The following FBLN1 variants were observed in gnomAD, a reference collection of about 807,000 sequenced individuals.
The protein encoded by FBLN1 is fibulin 1.
FBLN1 carries 34 observed loss-of-function variants against 89.7 expected under a neutral mutation model. The ratio of observed to expected loss-of-function variants is 0.38; its 90% CI spans 0.29 to 0.50. The LOEUF (loss-of-function observed/expected upper bound fraction) is 0.50, where lower values mean the gene tolerates loss of function less well. FBLN1 is among the 20% of genes least tolerant of loss of function. FBLN1 has a pLI of 0.92. For synonymous variants in FBLN1, 393 were observed against 391.3 expected (o/e 1.00, Z -0.05); for missense variants, 777 against 988.1 (o/e 0.79, Z 2.86).
Position 45,531,196 on chromosome 22 carries a change from G to T in FBLN1, c.485-69G>T. On this transcript the variant is annotated intron_variant, in intron 4 of 16. Coordinates refer to ENST00000327858, the MANE Select transcript of FBLN1 (RefSeq NM_006486.3). The surrounding 1 kb of genome is among the most constrained non-coding windows in gnomAD (Gnocchi z 4.9). ...CCTGATAGTGACAAGAAGAGAGAAT[G>T]TTGGGAGTTTCTTTTAAGATAAGAT... is the stretch of plus-strand genomic sequence containing the variant. The T allele has an allele frequency of 7.4e-7, 1 of 1,349,610 alleles. No homozygotes were observed. The highest frequency in any genetic ancestry group is 1.1e-6 in the Non-Finnish European group (1 of 939,232). The allele number at this position is 1,349,610 out of a possible 1,614,324, so 83.6% of individuals were successfully genotyped here.
In FBLN1 at chr22:45,518,786, A is replaced by G. The variant is rs750698050; in HGVS notation, c.184A>G (p.Arg62Gly). 3.7e-6 allele frequency: 6 copies of G among 1,606,596 alleles called. No homozygotes were observed. The South Asian group carries it at 6.7e-5, about 18-fold the overall frequency. Reference protein sequence around the residue: ...LPYATESKECRMVQEQCCHSQ... With the variant: ...LPYATESKECGMVQEQCCHSQ... ...ATATGCTACGGAATCCAAAGAATGCAGGTACGTTTGCCAGTGGCCACTGTT... is the reference window on the plus strand; with the variant it reads ...ATATGCTACGGAATCCAAAGAATGCGGGTACGTTTGCCAGTGGCCACTGTT... Residue 62 changes from arginine (R) to glycine (G), a missense_variant and splice_region_variant, in exon 2 of 17, where the codon AGG (arginine) becomes GGG (glycine). Arg to Gly is a moderately radical substitution (Grantham distance 125). Coordinates refer to ENST00000327858, the MANE Select transcript of FBLN1 (RefSeq NM_006486.3).
At chr22:45,587,195 C>T (rs937223184) in intron 16 of FBLN1, among the ~76,000 whole-genome samples, 1 of 152,168 alleles carries the variant, frequency 6.6e-6, no homozygotes, top group Non-Finnish European at 1.5e-5. Context: ...CTCCCCACAC[C>T]CACAGCCGGC....
rs1177982171 is a variant in FBLN1 at position 45,580,736 on chromosome 22, C to T, written c.1972+3628C>T. On this transcript the variant is annotated intron_variant, in intron 16 of 16. Coordinates refer to ENST00000327858, the MANE Select transcript of FBLN1 (RefSeq NM_006486.3). The surrounding 1 kb of genome is among the most constrained non-coding windows in gnomAD (Gnocchi z 8.6). ...TGTGAGTTTGGATGTCCCAGAAAAACAATCAGCGCACAGGCCCCGGGGCTC... is the reference window on the plus strand; with the variant it reads ...TGTGAGTTTGGATGTCCCAGAAAAATAATCAGCGCACAGGCCCCGGGGCTC... Among the ~76,000 whole-genome samples, 3 of 152,162 alleles carry T rather than the reference C, an allele frequency of 2.0e-5. No individual in the cohort carries two copies. The highest frequency in any genetic ancestry group is 4.4e-5 in the Non-Finnish European group (3 of 68,024).
intron 14 of FBLN1, chr22:45,564,858 T>A: frequency 6.2e-7 from 1 of 1,612,900 alleles, no homozygotes; most frequent in Non-Finnish European, 8.5e-7. Context: ...TCTGTGGCTG[T>A]GACACTGTGC....
intron 2 of FBLN1, among the ~76,000 whole-genome samples, chr22:45,519,235 C>T (rs987203654): frequency 1.3e-5 from 2 of 152,214 alleles, no homozygotes; most frequent in Admixed American, 1.3e-4. Context: ...TCAGCTTCTG[C>T]AGCAGCCAAC....
intron 16 of FBLN1, among the ~76,000 whole-genome samples, chr22:45,585,082 A>G (rs764658733): frequency 1.1e-4 from 16 of 152,206 alleles, no homozygotes; most frequent in Non-Finnish European, 1.8e-4. Context: ...CTTGTGGTTT[A>G]GGGGTTGGTG....
intron 2 of FBLN1, among the ~76,000 whole-genome samples, chr22:45,520,203 A>G (rs1308030262): frequency 2.6e-5 from 4 of 152,162 alleles, no homozygotes; most frequent in Admixed American, 2.6e-4. Flanking sequence ...GAGATCACCT[A>G]TGAAATCAGC....
chr22:45,568,357 CA>C (rs2088915529), intron 14 of FBLN1, among the ~76,000 whole-genome samples: 1 of 151,850 alleles, frequency 6.6e-6, no homozygotes, highest in South Asian at 2.1e-4. Flanking sequence ...AAGGTGTCAG[CA>C]GGGCTGCACT....
chr22:45,525,312 C>G (rs2088310847), intron 2 of FBLN1, among the ~76,000 whole-genome samples: 1 of 152,266 alleles, frequency 6.6e-6, no homozygotes, highest in Non-Finnish European at 1.5e-5. Context: ...ACCTCATCCT[C>G]TCAATGTGCT....
intron 8 of FBLN1, among the ~76,000 whole-genome samples, chr22:45,540,841 G>A (rs2088546209): frequency 6.6e-6 from 1 of 152,244 alleles, no homozygotes; most frequent in Admixed American, 6.5e-5. Context: ...CCAGTCATCG[G>A]AGGGGCCTAG....
chr22:45,523,231 G>A, intron 2 of FBLN1: 1 of 755,906 alleles, frequency 1.3e-6, no homozygotes, highest in Non-Finnish European at 2.5e-6. Flanking sequence ...GGCCAGGGTG[G>A]CTGGAGTGGA....
intron 7 of FBLN1, among the ~76,000 whole-genome samples, chr22:45,534,322 CA>C (rs1476695870): frequency 3.2e-5 from 2 of 61,994 alleles, no homozygotes; most frequent in East Asian, 1.0e-3. Flanking sequence ...AAAAAAAAAG[CA>C]AAAACAAAAA....
At chr22:45,553,584 T>TA (rs1202081525) in intron 14 of FBLN1, among the ~76,000 whole-genome samples, 2 of 152,232 alleles carry the variant, frequency 1.3e-5, no homozygotes, top group Non-Finnish European at 2.9e-5. Context: ...AGCCAGGACT[T>TA]ACCAGGAAAA....
intron 16 of FBLN1, among the ~76,000 whole-genome samples, chr22:45,596,964 G>A (rs2089192916): frequency 6.7e-6 from 1 of 149,834 alleles, no homozygotes; most frequent in South Asian, 2.1e-4. Context: ...TATCATATAT[G>A]AAACTATATA....
rs144043387 is a variant in FBLN1, at chr22:45,550,592, G to A, written c.1674G>A (p.Glu558=). The A allele has an allele frequency of 1.2e-6, 2 of 1,614,068 alleles. No individual in the cohort carries two copies. Among genetic ancestry groups the A allele is most frequent in the South Asian group, 2.2e-5 (2 of 91,082 alleles). Residue 558 remains glutamate (E), a synonymous_variant, in exon 14 of 17, where the codon GAG becomes GAA. Transcript: ENST00000327858. This position sits in a 1 kb window ranked among gnomAD's most constrained non-coding sequence, Gnocchi z 8.4. The stretch of plus-strand genomic sequence containing the variant: ...GCTGCCTGGCCTTCGAGTGCCCTGA[G>A]AACTACCGCCGCTCCGCAGCCACGT... ...GFRCLAFECP[E]NYRRSAATLQ...
In FBLN1 at chr22:45,575,029, G is replaced by A. The variant is rs1190059514; in HGVS notation, c.1840+376G>A. On this transcript the variant is annotated intron_variant, in intron 15 of 16. Transcript: ENST00000327858. This position sits in a 1 kb window ranked among gnomAD's most constrained non-coding sequence, Gnocchi z 6.3. ...AATCTCCTGACCTCATGATCCACCC[G>A]CCTCAGCCTCCCAAAGTGCTGGGAT... Among the ~76,000 whole-genome samples the A allele has an allele frequency of 3.3e-5, 5 of 152,020 alleles. No homozygotes were observed. The highest frequency in any genetic ancestry group is 9.7e-5 in the African/African-American group (4 of 41,394).
intron 14 of FBLN1, among the ~76,000 whole-genome samples, chr22:45,564,084 C>T (rs1315961057): frequency 1.3e-5 from 2 of 152,176 alleles, no homozygotes. Context: ...TCAGAGAGGG[C>T]AAGTGATTTG....
chr22:45,540,295 C>T (rs1258425570), intron 8 of FBLN1, among the ~76,000 whole-genome samples: 1 of 152,188 alleles, frequency 6.6e-6, no homozygotes, highest in Non-Finnish European at 1.5e-5. Context: ...TGATACCGGC[C>T]TCACCTCACT....
intron 14 of FBLN1, chr22:45,558,405 G>C (rs897340519): frequency 5.2e-6 from 1 of 191,140 alleles, no homozygotes. Flanking sequence ...AAGGAGAGTA[G>C]TTATCTGCAG....
Sources: gnomAD v4.1 joint callset for allele counts (sites outside exome capture counted in the v4.1 genomes callset) on GRCh38, gnomAD v4.1.1 for gene constraint, Gnocchi (gnomAD v3.1) non-coding constraint, MANE v1.5 for transcripts, NCBI Gene and HGNC (gene_info 2026-07-23, HGNC 2026-07-21) for gene names.